The following DOCK9 variants were observed in gnomAD, a reference collection of about 807,000 sequenced individuals.
The protein encoded by DOCK9 is dedicator of cytokinesis 9, also known as dedicator of cytokinesis protein 9.
A neutral mutation model predicts 263.3 loss-of-function variants in DOCK9; 89 were observed. That is an observed-to-expected ratio of 0.34 (90% confidence interval 0.28 to 0.40). The LOEUF (loss-of-function observed/expected upper bound fraction) is 0.40, where lower values mean the gene tolerates loss of function less well. Among genes scored for constraint, DOCK9 ranks in the 10% least tolerant of loss-of-function variants. The pLI, the probability that DOCK9 is intolerant of heterozygous loss-of-function variation, is 1.00. For synonymous variants in DOCK9, 976 were observed against 973.1 expected, an observed-to-expected ratio of 1.00 and a Z score of -0.06; for missense variants, 2,140 against 2,603.4, an observed-to-expected ratio of 0.82 and a Z score of 3.87.
At chr13:99,068,947 G>A (rs1469938405) in intron 1 of DOCK9, among the ~76,000 whole-genome samples, 1 of 152,158 alleles carries the variant, frequency 6.6e-6, no homozygotes, top group Non-Finnish European at 1.5e-5. Context: ...CAATATGTTA[G>A]AGTGACAGAT....
At chr13:98,796,136 C>G in intron 52 of DOCK9, 1 of 1,262,322 alleles carries the variant, frequency 7.9e-7, no homozygotes, top group Non-Finnish European at 1.1e-6. Context: ...TGTAGTTGCT[C>G]AAACTCAAAA....
intron 1 of DOCK9, among the ~76,000 whole-genome samples, chr13:99,016,802 A>T (rs572637156): frequency 6.6e-6 from 1 of 152,350 alleles, no homozygotes; most frequent in Non-Finnish European, 1.5e-5. Context: ...AATCTTTTAA[A>T]ATCTGCTCTG....
rs573924795 is a variant in DOCK9 at position 98,851,114 on chromosome 13, C to T, written c.3947-1001G>A. Among the ~76,000 whole-genome samples the T allele has an allele frequency of 5.9e-5, 9 of 152,306 alleles. No individual in the cohort carries two copies. In the East Asian group the frequency reaches 1.7e-3, roughly 29 times the overall value. Reference sequence around the variant, plus strand: ...TGTGCCAGGCACTGTACTACGTGCTCTCACAATTTCACATAGATTGTGCCA... The same window carrying T: ...TGTGCCAGGCACTGTACTACGTGCTTTCACAATTTCACATAGATTGTGCCA... On this transcript the variant is annotated intron_variant, in intron 35 of 52. Transcript: ENST00000682017.
At chr13:98,946,061 C>T (rs2056660842) in intron 2 of DOCK9, among the ~76,000 whole-genome samples, 1 of 152,020 alleles carries the variant, frequency 6.6e-6, no homozygotes, top group African/African-American at 2.4e-5. Flanking sequence ...CCCAAAGAGG[C>T]CAGTGTGGCT....
At chr13:98,921,877 G>A (rs2052057908) in intron 6 of DOCK9, among the ~76,000 whole-genome samples, 174 bp downstream of exon 6, 1 of 152,204 alleles carries the variant, frequency 6.6e-6, no homozygotes, top group South Asian at 2.1e-4. Context: ...GAGGGAAAGT[G>A]GGTGGATGAG....
At chr13:98,810,336 G>A (rs1358510978) in intron 45 of DOCK9, 45 bp from the exon 46 acceptor site, 2 of 1,605,644 alleles carry the variant, frequency 1.2e-6, no homozygotes, top group Non-Finnish European at 8.5e-7. Flanking sequence ...GCGTTATGGG[G>A]AACGTGACAT....
At chr13:98,931,369 G>A (rs951359612) in intron 2 of DOCK9, among the ~76,000 whole-genome samples, 4 of 151,800 alleles carry the variant, frequency 2.6e-5, no homozygotes, top group African/African-American at 7.3e-5. Flanking sequence ...CGCAATCTCA[G>A]CTCACTGCCA....
intron 1 of DOCK9, among the ~76,000 whole-genome samples, chr13:99,084,560 A>G (rs140601576): frequency 2.0e-5 from 3 of 152,342 alleles, no homozygotes; most frequent in Non-Finnish European, 4.4e-5. Context: ...GGACACTCCT[A>G]GGTCACCATT....
chr13:98,901,028 A>AT (rs1057377327), intron 13 of DOCK9, among the ~76,000 whole-genome samples: 3 of 152,190 alleles, frequency 2.0e-5, no homozygotes, highest in Admixed American at 6.5e-5. Flanking sequence ...ACTGGCAAGG[A>AT]TAATAGCACT....
At chr13:98,846,622 C>G in intron 37 of DOCK9, 2 of 1,184,950 alleles carry the variant, frequency 1.7e-6, no homozygotes, top group Non-Finnish European at 2.3e-6. Flanking sequence ...AGCTAACTTC[C>G]TGCTGTGTAC....
At chr13:98,806,803 G>T (rs2090770100) in intron 48 of DOCK9, among the ~76,000 whole-genome samples, 1 of 151,930 alleles carries the variant, frequency 6.6e-6, no homozygotes, top group Non-Finnish European at 1.5e-5. Context: ...CAGCTACTCG[G>T]GAGGCTGAGG....
intron 1 of DOCK9, among the ~76,000 whole-genome samples, chr13:98,961,466 T>TG (rs934109947): frequency 1.3e-5 from 2 of 152,168 alleles, no homozygotes; most frequent in African/African-American, 4.8e-5. Flanking sequence ...AATGTGGCAA[T>TG]GCAGCAAAAA....
chr13:98,838,363 G>A (rs1218485461), intron 38 of DOCK9, among the ~76,000 whole-genome samples: 1 of 152,200 alleles, frequency 6.6e-6, no homozygotes, highest in Non-Finnish European at 1.5e-5. Flanking sequence ...CACACATTGA[G>A]CGCTATGGAG....
chr13:98,816,095 A>G (rs1242921533), intron 45 of DOCK9, among the ~76,000 whole-genome samples: 4 of 152,238 alleles, frequency 2.6e-5, no homozygotes, highest in Admixed American at 2.6e-4. Context: ...ACTACATGCA[A>G]GGCACAGCGC....
intron 15 of DOCK9, among the ~76,000 whole-genome samples, chr13:98,889,698 T>C (rs889987694): frequency 9.9e-5 from 15 of 152,158 alleles, no homozygotes; most frequent in African/African-American, 3.6e-4. Context: ...CTAGCGATGT[T>C]CCTCTATCTT....
intron 1 of DOCK9, among the ~76,000 whole-genome samples, chr13:99,042,625 G>A (rs551090854): frequency 3.4e-4 from 52 of 152,316 alleles, no homozygotes; most frequent in African/African-American, 9.6e-4. Context: ...AGGAAGGAAC[G>A]TGAAAATATT....
At chr13:98,876,592 T>C (rs546668785) in intron 27 of DOCK9, among the ~76,000 whole-genome samples, 61 of 152,328 alleles carry the variant, frequency 4.0e-4, no homozygotes, top group African/African-American at 1.4e-3. Flanking sequence ...TGGTGAATAT[T>C]CATAAATTCA....
At chr13:99,063,629 G>A (rs2041291638) in intron 1 of DOCK9, among the ~76,000 whole-genome samples, 1 of 152,194 alleles carries the variant, frequency 6.6e-6, no homozygotes. Flanking sequence ...ACCATGTGTG[G>A]TGAGGGTCCT....
intron 15 of DOCK9, among the ~76,000 whole-genome samples, chr13:98,893,637 T>C (rs890589150): frequency 2.6e-5 from 4 of 152,208 alleles, no homozygotes; most frequent in African/African-American, 9.6e-5. Context: ...TCATGCATTA[T>C]TAAATAACAT....
Sources: allele counts gnomAD v4.1 joint callset (sites outside exome capture counted in the v4.1 genomes callset), GRCh38; gene constraint gnomAD v4.1.1; transcripts MANE v1.5; gene names NCBI Gene and HGNC (gene_info 2026-07-23, HGNC 2026-07-21).